The following EPHA3 variants were observed in gnomAD, a reference collection of about 807,000 sequenced individuals.
EPHA3 encodes the protein ephrin type-A receptor 3.
EPHA3 carries 42 observed loss-of-function variants against 107.1 expected under a neutral mutation model. That is an observed-to-expected ratio of 0.39 (90% CI 0.31 to 0.51). The LOEUF is 0.51. EPHA3 is among the 20% of genes least tolerant of loss of function. EPHA3 has a pLI of 0.78. For missense variants in EPHA3, 1,183 were observed against 1,211.2 expected (o/e 0.98, Z 0.35); for synonymous variants, 461 against 424.8 (o/e 1.09, Z -1.05).
At chr3:89,425,641 A>G (rs1227797485) in intron 11 of EPHA3, among the ~76,000 whole-genome samples, 1 of 151,556 alleles carries the variant, frequency 6.6e-6, no homozygotes. Context: ...GTTTGTTTGA[A>G]TGAAAATATT....
At chr3:89,198,280 A>C (rs767421327) in intron 2 of EPHA3, among the ~76,000 whole-genome samples, 6 of 152,202 alleles carry the variant, frequency 3.9e-5, no homozygotes, top group Non-Finnish European at 8.8e-5. Context: ...CTGCTTCCCA[A>C]GTGGCAAACA....
intron 3 of EPHA3, among the ~76,000 whole-genome samples, chr3:89,287,179 G>A (rs1278467148): frequency 1.3e-5 from 2 of 152,198 alleles, no homozygotes; most frequent in Admixed American, 6.5e-5. Context: ...TTTATTGAAC[G>A]TCAAGCACAG....
In EPHA3 at chr3:89,315,132, T is replaced by C. The variant is rs1211558193; in HGVS notation, c.815-25784T>C. ...CCACTGTCATGCACGCTGTCCATCATTGACTGAAACATTGTTATGTGGTAT... is the reference window on the plus strand; with the variant it reads ...CCACTGTCATGCACGCTGTCCATCACTGACTGAAACATTGTTATGTGGTAT... On this transcript the variant is annotated intron_variant, in intron 3 of 16. Coordinates refer to ENST00000336596, the MANE Select transcript of EPHA3 (RefSeq NM_005233.6). 2.0e-5 allele frequency among the ~76,000 whole-genome samples: 3 copies of C among 151,992 alleles called. No individual in the cohort carries two copies. The East Asian group carries it at 5.8e-4, about 29-fold the overall frequency.
intron 3 of EPHA3, among the ~76,000 whole-genome samples, chr3:89,331,287 T>A (rs1277634253): frequency 2.6e-5 from 4 of 152,212 alleles, no homozygotes; most frequent in Admixed American, 1.3e-4. Context: ...AAATAAGTGA[T>A]CAAGTTAATG....
At chr3:89,353,029 C>A (rs1416144131) in intron 5 of EPHA3, among the ~76,000 whole-genome samples, 2 of 150,902 alleles carry the variant, frequency 1.3e-5, no homozygotes, top group Non-Finnish European at 3.0e-5. Flanking sequence ...CCTCTAGCCA[C>A]CTTATTTTTC....
Position 89,219,688 on chromosome 3 carries a change from G to GTGTTTTTTTTTTTTTT in EPHA3, c.814+9169_814+9170insGTTTTTTTTTTTTTTT. Among the ~76,000 whole-genome samples, 223 of 34,442 alleles carry GTGTTTTTTTTTTTTTT rather than the reference G, an allele frequency of 6.5e-3. 93 individuals are homozygous for GTGTTTTTTTTTTTTTT. Among genetic ancestry groups the GTGTTTTTTTTTTTTTT allele is most frequent in the Non-Finnish European group, 0.01 (192 of 19,126 alleles). The allele number at this position is 34,442 out of a possible 152,430, so 22.6% of individuals were successfully genotyped here. A position where few individuals can be genotyped will look rare whatever the true frequency, so the allele number is the denominator to read the frequency against. ...TTACCTCCAAGAGGCATTTGGCAAT[G>GTGTTTTTTTTTTTTTT]TTTTTTTTTTTTTTGTTTTTTGTTT... On this transcript the variant is annotated intron_variant, in intron 3 of 16. Coordinates refer to ENST00000336596, the MANE Select transcript of EPHA3 (RefSeq NM_005233.6).
At chr3:89,214,087 C>T (rs1363555191) in intron 3 of EPHA3, among the ~76,000 whole-genome samples, 1 of 151,970 alleles carries the variant, frequency 6.6e-6, no homozygotes, top group Non-Finnish European at 1.5e-5. Flanking sequence ...AATTTATGTA[C>T]ATGAGCCTAA....
chr3:89,419,581 C>A (rs1020705380), intron 11 of EPHA3, among the ~76,000 whole-genome samples, 191 bp downstream of exon 11: 2 of 151,174 alleles, frequency 1.3e-5, no homozygotes, highest in Admixed American at 6.6e-5. Flanking sequence ...ATTGACAGTA[C>A]TGTTTTAGAC....
chr3:89,251,442 T>C (rs1035250442), intron 3 of EPHA3, among the ~76,000 whole-genome samples: 4 of 151,996 alleles, frequency 2.6e-5, no homozygotes, highest in African/African-American at 9.7e-5. Flanking sequence ...AAATTGAAAA[T>C]GATATGTGGG....
intron 3 of EPHA3, among the ~76,000 whole-genome samples, chr3:89,231,198 C>T (rs1481872263): frequency 6.6e-6 from 1 of 152,034 alleles, no homozygotes; most frequent in Non-Finnish European, 1.5e-5. Flanking sequence ...AAACTATTTA[C>T]CTGCCATTTC....
At position 89,379,518 on chromosome 3, in the gene EPHA3, T is replaced by C. The variant is rs1576346290; in HGVS notation, c.1307-16319T>C. Among the ~76,000 whole-genome samples the C allele has an allele frequency of 2.6e-5, 4 of 152,354 alleles. No homozygotes were observed. The East Asian group carries it at 7.7e-4, about 29-fold the overall frequency. On this transcript the variant is annotated intron_variant, in intron 5 of 16. Coordinates refer to ENST00000336596, the MANE Select transcript of EPHA3 (RefSeq NM_005233.6). ...GAAATTTGATAATGGGTTTAGGATA[T>C]ATACTTGGAGGAGAAGTAGAGTAGA...
At chr3:89,340,518 T>A (rs994186861) in intron 3 of EPHA3, among the ~76,000 whole-genome samples, 4 of 152,234 alleles carry the variant, frequency 2.6e-5, no homozygotes, top group African/African-American at 9.6e-5. Context: ...AACTAGTCAA[T>A]GTTAATATAC....
At chr3:89,115,520 T>C (rs1416370849) in intron 1 of EPHA3, among the ~76,000 whole-genome samples, 1 of 152,204 alleles carries the variant, frequency 6.6e-6, no homozygotes, top group Non-Finnish European at 1.5e-5. Flanking sequence ...CTGATGTTTC[T>C]GTGGCTGTGT....
intron 3 of EPHA3, among the ~76,000 whole-genome samples, chr3:89,289,941 G>T (rs1407586402): frequency 6.6e-6 from 1 of 152,132 alleles, no homozygotes; most frequent in African/African-American, 2.4e-5. Context: ...TTTCTGGGTT[G>T]TGAACATCAA....
chr3:89,270,806 A>G (rs969724884), intron 3 of EPHA3, among the ~76,000 whole-genome samples: 1 of 152,094 alleles, frequency 6.6e-6, no homozygotes, highest in Non-Finnish European at 1.5e-5. Flanking sequence ...GGGCTCCTCT[A>G]GCAAATTATT....
chr3:89,166,600 A>G (rs1302190929), intron 2 of EPHA3, among the ~76,000 whole-genome samples: 2 of 152,202 alleles, frequency 1.3e-5, no homozygotes, highest in East Asian at 1.9e-4. Flanking sequence ...ATTATCTTCT[A>G]TCCTTAGCAT....
chr3:89,281,936 C>T (rs1404185438), intron 3 of EPHA3, among the ~76,000 whole-genome samples: 1 of 152,160 alleles, frequency 6.6e-6, no homozygotes, highest in Non-Finnish European at 1.5e-5. Flanking sequence ...CTATTTTTAA[C>T]AGTGTCTAGT....
chr3:89,191,871 A>T (rs920563813), intron 2 of EPHA3, among the ~76,000 whole-genome samples: 1 of 152,180 alleles, frequency 6.6e-6, no homozygotes, highest in Non-Finnish European at 1.5e-5. Context: ...AATGTTAAAA[A>T]GATAAGTAAA....
chr3:89,476,693 C>A (rs1710518328), intron 16 of EPHA3, among the ~76,000 whole-genome samples: 1 of 151,392 alleles, frequency 6.6e-6, no homozygotes, highest in African/African-American at 2.4e-5. Flanking sequence ...CTGCAAGCTC[C>A]GCCTCCTGGG....
Sources: allele counts gnomAD v4.1 joint callset (sites outside exome capture counted in the v4.1 genomes callset), GRCh38; gene constraint gnomAD v4.1.1; transcripts MANE v1.5; gene names NCBI Gene and HGNC (gene_info 2026-07-23, HGNC 2026-07-21).